The following LAMA1 variants were observed in gnomAD, a reference collection of about 807,000 sequenced individuals.
LAMA1 encodes the protein laminin subunit alpha-1.
In LAMA1, 219 loss-of-function variants were observed where a neutral mutation model predicts 348.7. The ratio of observed to expected loss-of-function variants is 0.63; its 90% confidence interval spans 0.56 to 0.70. The LOEUF (loss-of-function observed/expected upper bound fraction) is 0.70. Ranked by LOEUF, LAMA1 falls within the 30% of genes least tolerant of loss-of-function variation. The pLI, the probability that LAMA1 is intolerant of heterozygous loss-of-function variation, is 0.00. For missense variants in LAMA1, 3,744 were observed against 3,888.0 expected, an observed-to-expected ratio of 0.96 and a Z score of 0.99; for synonymous variants, 1,487 against 1,491.0, an observed-to-expected ratio of 1.00 and a Z score of 0.06.
At chr18:7,090,768 GA>G (rs2058236834) in intron 1 of LAMA1, among the ~76,000 whole-genome samples, 1 of 152,102 alleles carries the variant, frequency 6.6e-6, no homozygotes, top group South Asian at 2.1e-4. Context: ...TACAAACAGT[GA>G]GAGAAAAGTC....
chr18:6,976,184 G>T, intron 44 of LAMA1, 104 bp from the exon 45 acceptor site: 4 of 1,139,396 alleles, frequency 3.5e-6, no homozygotes, highest in Non-Finnish European at 5.3e-6. Context: ...ACTGAGGCAG[G>T]TTTCCTCTCT....
chr18:7,012,701 C>T (rs990982049), intron 23 of LAMA1, among the ~76,000 whole-genome samples: 2 of 149,136 alleles, frequency 1.3e-5, no homozygotes, highest in African/African-American at 4.9e-5. Flanking sequence ...GATGGGGTTT[C>T]GCCATGTTGG....
chr18:7,097,847 C>A (rs963014609), intron 1 of LAMA1, among the ~76,000 whole-genome samples: 2 of 151,252 alleles, frequency 1.3e-5, no homozygotes, highest in South Asian at 4.2e-4. Context: ...CTCCCCTCTC[C>A]CCTCTCCCCT....
Position 6,964,771 on chromosome 18 carries a change from T to C in LAMA1, c.7228A>G (p.Ser2410Gly), listed in dbSNP as rs779169278. 21 of 1,614,010 alleles carry C rather than the reference T, an allele frequency of 1.3e-5. No individual in the cohort carries two copies. Among genetic ancestry groups the C allele is most frequent in the Non-Finnish European group, 1.6e-5 (19 of 1,180,020 alleles). The change falls in exon 51 of 63, where the codon AGT (serine) becomes GGT (glycine). Residue 2410 changes from serine to glycine, a missense_variant. Physicochemically the swap from Ser to Gly is moderately conservative, Grantham distance 56. Coordinates refer to ENST00000389658, the MANE Select transcript of LAMA1 (RefSeq NM_005559.4). ...TCGCCCTGCTTGGTTTCTTTATTACTGGTGTTATAGGCATCGATAACTGCT... is the reference window on the plus strand; with the variant it reads ...TCGCCCTGCTTGGTTTCTTTATTACCGGTGTTATAGGCATCGATAACTGCT... Reference protein sequence around the residue: ...VLAVIDAYNTSNKETKQGETP... With the variant: ...VLAVIDAYNTGNKETKQGETP...
At chr18:6,988,721 C>T (rs1455346579) in intron 36 of LAMA1, among the ~76,000 whole-genome samples, 1 of 149,144 alleles carries the variant, frequency 6.7e-6, no homozygotes, top group African/African-American at 2.5e-5. Context: ...GAGGGAGAAT[C>T]GCTTGAACCC....
At chr18:6,972,369 C>T (rs1304708235) in intron 47 of LAMA1, among the ~76,000 whole-genome samples, 1 of 152,158 alleles carries the variant, frequency 6.6e-6, no homozygotes, top group Non-Finnish European at 1.5e-5. Context: ...GAGAGGAGAA[C>T]TGATATAATA....
At chr18:7,050,240 C>CTGTT (rs373585124) in intron 4 of LAMA1, among the ~76,000 whole-genome samples, 14 of 152,254 alleles carry the variant, frequency 9.2e-5, no homozygotes, top group Non-Finnish European at 2.1e-4. Flanking sequence ...AAAGAATGGG[C>CTGTT]TGTTTCTCAT....
intron 36 of LAMA1, 48 bp downstream of exon 36, chr18:6,992,513 G>A (rs778030747): frequency 3.1e-6 from 5 of 1,599,096 alleles, no homozygotes; most frequent in Non-Finnish European, 4.3e-6. Flanking sequence ...TAGCGTGCAA[G>A]TTTCTCTCTC....
At chr18:7,058,883 T>C (rs752792926) in intron 3 of LAMA1, among the ~76,000 whole-genome samples, 7 of 152,166 alleles carry the variant, frequency 4.6e-5, no homozygotes, top group Non-Finnish European at 7.4e-5. Context: ...TGTCTGTTAG[T>C]ATGTAGATTT....
At chr18:7,031,612 C>T (rs1469853316) in intron 16 of LAMA1, among the ~76,000 whole-genome samples, 1 of 151,576 alleles carries the variant, frequency 6.6e-6, no homozygotes, top group East Asian at 1.9e-4. Flanking sequence ...CCCAGAAGAT[C>T]CAGGGCTGCA....
intron 3 of LAMA1, among the ~76,000 whole-genome samples, chr18:7,068,650 G>A (rs1357152927): frequency 6.6e-6 from 1 of 151,972 alleles, no homozygotes; most frequent in Non-Finnish European, 1.5e-5. Flanking sequence ...TAGAGAAAAG[G>A]TCCACTGAAG....
chr18:7,043,157 G>C, intron 8 of LAMA1, 70 bp downstream of exon 8: 1 of 1,490,954 alleles, frequency 6.7e-7, no homozygotes, highest in Non-Finnish European at 9.4e-7. Flanking sequence ...CAGAGGTTAA[G>C]ACTTGACAAA....
chr18:7,105,445 T>A lies in LAMA1; in HGVS notation c.61+12215A>T, dbSNP rs961131124. The stretch of plus-strand genomic sequence containing the variant: ...CAGAGTGAGACTTCATCTCAAAAAA[T>A]AAATAAATAAATAAATAAATAAATA... On this transcript the variant is annotated intron_variant, in intron 1 of 62. Coordinates refer to ENST00000389658, the MANE Select transcript of LAMA1 (RefSeq NM_005559.4). Among the ~76,000 whole-genome samples, 136 of 109,460 alleles carry A rather than the reference T, an allele frequency of 1.2e-3. 1 individual carries two copies. The highest frequency in any genetic ancestry group is 6.4e-3 in the African/African-American group (116 of 17,998). 71.8% of individuals were successfully genotyped at this position (109,460 alleles called of 152,430 possible).
At chr18:6,997,284 G>A (rs985013567) in intron 33 of LAMA1, among the ~76,000 whole-genome samples, 11 of 152,256 alleles carry the variant, frequency 7.2e-5, no homozygotes, top group Admixed American at 4.6e-4. Flanking sequence ...GGATGGTCTC[G>A]ATCTCTTGAC....
chr18:6,948,761 G>A (rs887765342), intron 59 of LAMA1, among the ~76,000 whole-genome samples: 1 of 152,222 alleles, frequency 6.6e-6, no homozygotes, highest in South Asian at 2.1e-4. Context: ...TAATGCAGTG[G>A]AAGTGTTTTC....
chr18:7,115,814 CAAAAAAAA>C, intron 1 of LAMA1, among the ~76,000 whole-genome samples: 1 of 94,818 alleles, frequency 1.1e-5, no homozygotes, highest in Non-Finnish European at 2.1e-5. Flanking sequence ...ACTAAAAATA[CAAAAAAAA>C]AAAAAAAAAA....
At chr18:7,083,438 G>A (rs940302292) in intron 1 of LAMA1, among the ~76,000 whole-genome samples, 19 of 151,834 alleles carry the variant, frequency 1.3e-4, no homozygotes, top group Non-Finnish European at 2.5e-4. Context: ...CACTCGTCTC[G>A]GCCTCCCAAA....
At chr18:7,015,687 C>T (rs953450255) in intron 22 of LAMA1, 35 bp downstream of exon 22, 1 of 1,611,804 alleles carries the variant, frequency 6.2e-7, no homozygotes, top group Non-Finnish European at 8.5e-7. Flanking sequence ...CAAAGCAACT[C>T]TCAGTTAAGC....
In LAMA1 at chr18:7,055,314, G is replaced by A. The variant is rs1451483690; in HGVS notation, c.346-4378C>T. On this transcript the variant is annotated intron_variant, in intron 3 of 62. Transcript: ENST00000389658. Reference sequence around the variant, plus strand: ...AAAAAAATACAAAAATTAGCTGGGTGTAGTGGCACATGCCTGTAATCCCAG... The same window carrying A: ...AAAAAAATACAAAAATTAGCTGGGTATAGTGGCACATGCCTGTAATCCCAG... Among the ~76,000 whole-genome samples, 6 of 151,932 alleles carry A rather than the reference G, an allele frequency of 3.9e-5. No individual in the cohort carries two copies. In the East Asian group the frequency reaches 1.2e-3, roughly 29 times the overall value.
Sources: gnomAD v4.1 joint callset for allele counts (sites outside exome capture counted in the v4.1 genomes callset) on GRCh38, gnomAD v4.1.1 for gene constraint, MANE v1.5 for transcripts, NCBI Gene and HGNC (gene_info 2026-07-23, HGNC 2026-07-21) for gene names.